Variants in SV2C observed in about 807,000 individuals in gnomAD.
SV2C encodes the protein synaptic vesicle glycoprotein 2C.
A neutral mutation model predicts 79.7 loss-of-function variants in SV2C; 49 were observed. That is an observed-to-expected ratio of 0.61 (90% CI 0.49 to 0.78). The LOEUF (loss-of-function observed/expected upper bound fraction) is 0.78. Ranked by LOEUF, SV2C falls within the 30% of genes least tolerant of loss-of-function variation. SV2C has a pLI of 0.00. For synonymous variants in SV2C, 334 were observed against 333.2 expected (o/e 1.00, Z -0.03); for missense variants, 833 against 912.9 (o/e 0.91, Z 1.13).
At chr5:75,997,443 T>C in the SV2C span, among the ~76,000 whole-genome samples, 5 of 152,102 alleles carry the variant, frequency 3.3e-5, no homozygotes, top group African/African-American at 1.2e-4. Context: ...TCTACTCATC[T>C]GACAAAGGGC....
chr5:76,317,605 G>GA (rs1748673590), intron 12 of SV2C, among the ~76,000 whole-genome samples: 1 of 151,860 alleles, frequency 6.6e-6, no homozygotes, highest in Admixed American at 6.6e-5. Flanking sequence ...CGAGGTGGGA[G>GA]AATCACTTGA....
intron 2 of SV2C, among the ~76,000 whole-genome samples, chr5:76,146,204 C>G (rs1749414475): frequency 6.6e-6 from 1 of 152,154 alleles, no homozygotes; most frequent in Non-Finnish European, 1.5e-5. Flanking sequence ...GTAGGTGTTA[C>G]AGGAAAGGTC....
the SV2C span, among the ~76,000 whole-genome samples, chr5:76,034,956 G>C: frequency 1.3e-5 from 2 of 151,974 alleles, no homozygotes; most frequent in Non-Finnish European, 2.9e-5. Flanking sequence ...AGAGATTCAA[G>C]TTCTCCTGGT....
chr5:76,347,602 C>T (rs758319172), intron 12 of SV2C, among the ~76,000 whole-genome samples: 8 of 151,982 alleles, frequency 5.3e-5, no homozygotes, highest in South Asian at 2.1e-4. Flanking sequence ...CCACAATGCC[C>T]GGCTAATTTT....
At chr5:76,276,723 TCTTC>T (rs1452031692) in intron 4 of SV2C, among the ~76,000 whole-genome samples, 2 of 150,156 alleles carry the variant, frequency 1.3e-5, no homozygotes, top group Non-Finnish European at 2.9e-5. Flanking sequence ...CTAGCTTTTT[TCTTC>T]CTTTCTTTCT....
chr5:76,005,746 A>G, the SV2C span, among the ~76,000 whole-genome samples: 1 of 152,242 alleles, frequency 6.6e-6, no homozygotes. Context: ...AAACCATGCA[A>G]GGATGAATGG....
intron 12 of SV2C, among the ~76,000 whole-genome samples, chr5:76,321,441 G>C (rs573803160): frequency 6.6e-6 from 1 of 152,050 alleles, no homozygotes; most frequent in Non-Finnish European, 1.5e-5. Flanking sequence ...GCAGGCTCAT[G>C]AACAAAATTA....
chr5:75,983,872 TC>T, the SV2C span, among the ~76,000 whole-genome samples: 1 of 152,234 alleles, frequency 6.6e-6, no homozygotes, highest in East Asian at 1.9e-4. Context: ...CTTTCTGCTC[TC>T]CTTCTTGCAA....
chr5:75,881,258 T>C, the SV2C span, among the ~76,000 whole-genome samples: 1 of 152,180 alleles, frequency 6.6e-6, no homozygotes, highest in Non-Finnish European at 1.5e-5. Context: ...CCTCAATTAA[T>C]CTGAGGAAAT....
the SV2C span, among the ~76,000 whole-genome samples, chr5:76,077,641 C>A: frequency 1.3e-5 from 2 of 152,170 alleles, no homozygotes; most frequent in African/African-American, 4.8e-5. Flanking sequence ...TGCCAAACTG[C>A]CTTCCTAGAA....
chr5:76,118,527 A>C (rs1208418190), intron 1 of SV2C, among the ~76,000 whole-genome samples: 1 of 152,200 alleles, frequency 6.6e-6, no homozygotes, highest in Non-Finnish European at 1.5e-5. Context: ...CCAATAATCA[A>C]ATGTATCTAA....
At chr5:76,247,512 T>A (rs1745980392) in intron 4 of SV2C, among the ~76,000 whole-genome samples, 1 of 152,264 alleles carries the variant, frequency 6.6e-6, no homozygotes, top group Non-Finnish European at 1.5e-5. Flanking sequence ...TATTTTCTCC[T>A]GCAACGTGAT....
chr5:76,191,719 T>G (rs1443160957), intron 2 of SV2C, among the ~76,000 whole-genome samples: 1 of 152,240 alleles, frequency 6.6e-6, no homozygotes, highest in Non-Finnish European at 1.5e-5. Flanking sequence ...AAGTCATACT[T>G]GAGGCCTTTG....
chr5:76,123,047 C>G (rs1439385390), intron 1 of SV2C, among the ~76,000 whole-genome samples: 1 of 152,100 alleles, frequency 6.6e-6, no homozygotes, highest in African/African-American at 2.4e-5. Context: ...TATGGGATAT[C>G]ACCACCGATC....
In SV2C at chr5:76,131,714, ATTTCCC is replaced by A; in HGVS notation, c.-36_-31del. ...GAACCACTGAAAGGAGGCTGTGAAA[ATTTCCC>A]ATCTTCTCATTGGCCATCAGTTGAG... On this transcript the variant is annotated 5_prime_UTR_variant, in exon 2 of 13. Transcript: ENST00000502798. The A allele has an allele frequency of 6.5e-7, 1 of 1,541,840 alleles. No individual in the cohort carries two copies. Among genetic ancestry groups the A allele is most frequent in the Non-Finnish European group, 8.8e-7 (1 of 1,140,696 alleles).
At chr5:76,215,228 C>T (rs1744880596) in intron 4 of SV2C, among the ~76,000 whole-genome samples, 1 of 152,074 alleles carries the variant, frequency 6.6e-6, no homozygotes. Flanking sequence ...GATTCTTCAG[C>T]TTCCTGTCCA....
chr5:76,195,752 C>T (rs559009018), intron 3 of SV2C, among the ~76,000 whole-genome samples: 1 of 152,050 alleles, frequency 6.6e-6, no homozygotes, highest in African/African-American at 2.4e-5. Flanking sequence ...ATATGAGAAA[C>T]TTTGCTTCAA....
chr5:76,154,753 T>C (rs1301605074), intron 2 of SV2C, among the ~76,000 whole-genome samples: 4 of 152,220 alleles, frequency 2.6e-5, no homozygotes, highest in Non-Finnish European at 5.9e-5. Context: ...AACCAAAAAG[T>C]ATCTAAGACA....
At chr5:76,106,810 C>T (rs7725280) in intron 1 of SV2C, among the ~76,000 whole-genome samples, 4 of 151,926 alleles carry the variant, frequency 2.6e-5, no homozygotes, top group Non-Finnish European at 5.9e-5. Flanking sequence ...TTGCCTTACT[C>T]TTTTTTTTCA....
Sources: gnomAD v4.1 joint callset for allele counts (sites outside exome capture counted in the v4.1 genomes callset) on GRCh38, gnomAD v4.1.1 for gene constraint, MANE v1.5 for transcripts, NCBI Gene and HGNC (gene_info 2026-07-23, HGNC 2026-07-21) for gene names.